Variants in ANKRD42 observed in about 807,000 individuals in gnomAD.
ANKRD42 encodes ankyrin repeat domain 42.
In ANKRD42, 43 loss-of-function variants were observed where a neutral mutation model predicts 51.5. The observed-to-expected ratio is 0.83, with a 90% CI of 0.65 to 1.08. The LOEUF is 1.08. Among genes scored for constraint, ANKRD42 ranks in the 50% least tolerant of loss-of-function variants. The pLI is 0.00. For synonymous variants in ANKRD42, 203 were observed against 213.0 expected, an observed-to-expected ratio of 0.95 and a Z score of 0.41; for missense variants, 608 against 629.3, an observed-to-expected ratio of 0.97 and a Z score of 0.36.
intron 10 of ANKRD42, 36 bp downstream of exon 10, chr11:83,245,660 A>G (rs1863521760): frequency 6.6e-7 from 1 of 1,517,144 alleles, no homozygotes; most frequent in South Asian, 1.2e-5. Context: ...TTGTTTTTAA[A>G]TACCTCTCTA....
rs1355659857 is a variant in ANKRD42 at position 83,193,866 on chromosome 11, C to T, written c.-805C>T. The T allele has an allele frequency of 4.4e-6, 2 of 454,930 alleles. No individual in the cohort carries two copies. Among genetic ancestry groups the T allele is most frequent in the Non-Finnish European group, 8.9e-6 (2 of 225,872 alleles). 28.2% of individuals were successfully genotyped at this position (454,930 alleles called of 1,614,324 possible). A position where few individuals can be genotyped will look rare whatever the true frequency, so the allele number is the denominator to read the frequency against. ...ACGAAGACGGTGGCCGCCGCACTAG[C>T]CACCACGTGTGGAGGATAAACGGTC... On this transcript the variant is annotated 5_prime_UTR_variant, in exon 1 of 11. Transcript: ENST00000533342.
At chr11:83,227,708 T>G in intron 6 of ANKRD42, 39 bp from the exon 7 acceptor site, 1 of 1,579,212 alleles carries the variant, frequency 6.3e-7, no homozygotes, top group Non-Finnish European at 8.6e-7. Context: ...AAGAATAAAC[T>G]CTTATGTTTA....
chr11:83,217,708 C>T (rs111647389), intron 5 of ANKRD42, among the ~76,000 whole-genome samples: 3 of 152,278 alleles, frequency 2.0e-5, no homozygotes, highest in Non-Finnish European at 2.9e-5. Context: ...TGGGGCAGTG[C>T]GCCTTCCAGT....
chr11:83,252,562 A>G (rs1863693328), downstream of ANKRD42, among the ~76,000 whole-genome samples: 1 of 152,220 alleles, frequency 6.6e-6, no homozygotes. Context: ...TGAATTTCAC[A>G]AACACTATGC....
At chr11:83,219,043 A>T (rs949484906) in intron 5 of ANKRD42, among the ~76,000 whole-genome samples, 16 of 152,182 alleles carry the variant, frequency 1.1e-4, no homozygotes, top group African/African-American at 2.7e-4. Context: ...TTGTCCCAGT[A>T]ATTCAGGATA....
At chr11:83,229,051 A>G (rs1862987897) in intron 7 of ANKRD42, among the ~76,000 whole-genome samples, 1 of 151,840 alleles carries the variant, frequency 6.6e-6, no homozygotes, top group South Asian at 2.1e-4. Context: ...TAAGCAACAT[A>G]AATTTATTTT....
At chr11:83,262,300 T>C (rs962558172), downstream of ANKRD42, among the ~76,000 whole-genome samples, 3 of 152,158 alleles carry the variant, frequency 2.0e-5, no homozygotes, top group Non-Finnish European at 2.9e-5. Flanking sequence ...ATGAAATCTT[T>C]CTTATATTAA....
chr11:83,228,229 CTCTTTT>C (rs1862952608), intron 7 of ANKRD42, among the ~76,000 whole-genome samples: 1 of 41,114 alleles, frequency 2.4e-5, no homozygotes, highest in African/African-American at 1.4e-4. Context: ...CCCTCTCTCT[CTCTTTT>C]TTTTTTTTTT....
intron 2 of ANKRD42, among the ~76,000 whole-genome samples, chr11:83,204,930 T>A (rs1862012017): frequency 6.6e-6 from 1 of 152,114 alleles, no homozygotes; most frequent in Non-Finnish European, 1.5e-5. Context: ...CATTAGCCAT[T>A]AGGCAAATGC....
downstream of ANKRD42, among the ~76,000 whole-genome samples, chr11:83,264,145 T>C (rs999201754): frequency 6.6e-6 from 1 of 152,168 alleles, no homozygotes; most frequent in Non-Finnish European, 1.5e-5. Context: ...TATATGGCTG[T>C]TCAATACAGT....
intron 5 of ANKRD42, chr11:83,215,230 T>C (rs1266482915): frequency 6.6e-6 from 1 of 152,232 alleles, no homozygotes; most frequent in African/African-American, 2.4e-5. Context: ...TTTTTTCTTG[T>C]GGATATATAC....
intron 3 of ANKRD42, among the ~76,000 whole-genome samples, chr11:83,208,354 CGT>C (rs927512299): frequency 6.7e-6 from 1 of 150,200 alleles, no homozygotes; most frequent in South Asian, 2.1e-4. Flanking sequence ...TTTTTATATA[CGT>C]GTGTGTGTTT....
intron 2 of ANKRD42, among the ~76,000 whole-genome samples, chr11:83,199,621 A>AG (rs1861791208): frequency 1.3e-5 from 2 of 152,168 alleles, no homozygotes; most frequent in Non-Finnish European, 2.9e-5. Context: ...GCTCTGTCCA[A>AG]GGCTAACTAG....
rs756838980 is a variant in ANKRD42, at chr11:83,193,928, T to A, written c.-743T>A. 4.4e-6 allele frequency: 2 copies of A among 455,452 alleles called. No individual in the cohort carries two copies. Among genetic ancestry groups the A allele is most frequent in the East Asian group, 7.0e-5 (1 of 14,292 alleles). The allele number at this position is 455,452 out of a possible 1,614,324, so 28.2% of individuals were successfully genotyped here. On this transcript the variant is annotated 5_prime_UTR_variant, in exon 1 of 11. Transcript: ENST00000533342. ...TCCGGCGCCGAGTCTAGGGAAAGAG[T>A]TAGCGACGACGGGGAAAGAAAATGT...
At chr11:83,256,129 T>C (rs1484878728), downstream of ANKRD42, 1 of 391,530 alleles carries the variant, frequency 2.6e-6, no homozygotes, top group African/African-American at 2.0e-5. Context: ...CTTCTCCCGA[T>C]ATTCTTCTTA....
chr11:83,211,132 C>A, intron 4 of ANKRD42, 163 bp from the exon 5 acceptor site: 1 of 851,124 alleles, frequency 1.2e-6, no homozygotes. Flanking sequence ...ATTTTATTAG[C>A]TCATATATTC....
chr11:83,227,631 G>C (rs988387274), intron 6 of ANKRD42, 116 bp from the exon 7 acceptor site: 1 of 1,069,420 alleles, frequency 9.4e-7, no homozygotes, highest in African/African-American at 1.6e-5. Context: ...GAACTCATCC[G>C]ATTACAACAG....
chr11:83,240,807 T>G lies in ANKRD42; in HGVS notation c.1068T>G (p.Tyr356Ter). Residue 356 changes from tyrosine (Y) to a stop codon, truncating the protein, a stop_gained, in exon 9 of 11, where the codon TAT (tyrosine) becomes TAG (stop). Coordinates refer to ENST00000533342, the MANE Select transcript of ANKRD42 (RefSeq NM_001300975.2). LOFTEE classifies it high-confidence loss of function. ...AGCTGTTAGAGGAGCTACAGAAATA[T>G]GATATAGATGACGAAAATGAAATTG... ...AVKLLEELQK[Y>*]DIDDENEIDE... 6.2e-7 allele frequency: 1 copy of G among 1,614,090 alleles called. No homozygotes were observed. Among genetic ancestry groups the G allele is most frequent in the Non-Finnish European group, 8.5e-7 (1 of 1,179,990 alleles).
At chr11:83,227,953 C>T in intron 7 of ANKRD42, 81 bp downstream of exon 7, 1 of 1,481,584 alleles carries the variant, frequency 6.7e-7, no homozygotes. Flanking sequence ...CAGTCAGAAA[C>T]ACATGAAACA....
Sources: gnomAD v4.1 joint callset for allele counts (sites outside exome capture counted in the v4.1 genomes callset) on GRCh38, gnomAD v4.1.1 for gene constraint, MANE v1.5 for transcripts, NCBI Gene and HGNC (gene_info 2026-07-23, HGNC 2026-07-21) for gene names.